The following COBL variants were observed in gnomAD, a reference collection of about 807,000 sequenced individuals.
COBL encodes protein cordon-bleu.
Under a neutral mutation model 98.8 loss-of-function variants are expected in COBL, and 51 were observed. The observed-to-expected ratio is 0.52, with a 90% CI of 0.41 to 0.65. The LOEUF (loss-of-function observed/expected upper bound fraction) is 0.65, where lower values mean the gene tolerates loss of function less well. COBL is among the 30% of genes least tolerant of loss of function. The pLI, the probability that COBL is intolerant of heterozygous loss-of-function variation, is 0.00. For missense variants in COBL, 1,617 were observed against 1,617.5 expected (o/e 1.00, Z 0.01); for synonymous variants, 634 against 651.7 (o/e 0.97, Z 0.41).
At chr7:51,021,913 T>C (rs903314885) in intron 12 of COBL, among the ~76,000 whole-genome samples, 1 of 152,194 alleles carries the variant, frequency 6.6e-6, no homozygotes, top group African/African-American at 2.4e-5. Context: ...GGTTAATGCC[T>C]TCAAAAGAAT....
chr7:51,255,343 T>TG (rs1797109607), intron 1 of COBL, among the ~76,000 whole-genome samples: 1 of 152,194 alleles, frequency 6.6e-6, no homozygotes, highest in Non-Finnish European at 1.5e-5. Flanking sequence ...ATTCATTCTC[T>TG]GGGAAACTCA....
chr7:51,136,881 G>A (rs1799286546), intron 5 of COBL, among the ~76,000 whole-genome samples: 2 of 152,168 alleles, frequency 1.3e-5, no homozygotes, highest in Middle Eastern at 3.2e-3. Context: ...AGGACCATCA[G>A]TACCGTACTT....
At chr7:51,115,565 G>A (rs1797202210) in intron 6 of COBL, among the ~76,000 whole-genome samples, 1 of 151,906 alleles carries the variant, frequency 6.6e-6, no homozygotes, top group East Asian at 1.9e-4. Context: ...AATATTTGAG[G>A]GTTGTCCTAG....
intron 6 of COBL, among the ~76,000 whole-genome samples, chr7:51,129,818 C>T (rs1798565583): frequency 1.3e-5 from 2 of 152,170 alleles, no homozygotes; most frequent in African/African-American, 2.4e-5. Context: ...GCACAGTCAA[C>T]TGTGACGTGA....
chr7:51,139,981 C>T (rs1799584089), intron 5 of COBL, among the ~76,000 whole-genome samples: 1 of 152,128 alleles, frequency 6.6e-6, no homozygotes, highest in African/African-American at 2.4e-5. Context: ...CCTGTCCAAG[C>T]TTGTCAATAT....
At chr7:51,306,127 T>A (rs772257863) in intron 1 of COBL, among the ~76,000 whole-genome samples, 174 of 152,216 alleles carry the variant, frequency 1.1e-3, no homozygotes, top group Non-Finnish European at 2.1e-3. Flanking sequence ...GTAATGCAGA[T>A]GAGTGGGGCC....
chr7:51,256,379 TC>T (rs1465944203), intron 1 of COBL, among the ~76,000 whole-genome samples: 1 of 152,144 alleles, frequency 6.6e-6, no homozygotes. Flanking sequence ...GAAAGCTGAC[TC>T]CCAGGGCCAC....
intron 4 of COBL, among the ~76,000 whole-genome samples, chr7:51,184,963 C>T (rs888642762): frequency 2.8e-4 from 42 of 152,336 alleles, no homozygotes; most frequent in African/African-American, 9.4e-4. Flanking sequence ...AACCACCTTT[C>T]CAGATTTTCC....
intron 2 of COBL, among the ~76,000 whole-genome samples, chr7:51,204,770 C>T (rs1174508176): frequency 1.3e-5 from 2 of 151,954 alleles, no homozygotes; most frequent in African/African-American, 2.4e-5. Context: ...AGGATGGTCT[C>T]GATCTCTTGA....
intron 1 of COBL, among the ~76,000 whole-genome samples, chr7:51,306,128 G>C (rs1019293197): frequency 2.6e-5 from 4 of 152,036 alleles, no homozygotes; most frequent in African/African-American, 9.7e-5. Context: ...TAATGCAGAT[G>C]AGTGGGGCCC....
chr7:51,157,613 C>A (rs1786308870), intron 5 of COBL, among the ~76,000 whole-genome samples: 1 of 152,156 alleles, frequency 6.6e-6, no homozygotes, highest in Non-Finnish European at 1.5e-5. Context: ...TCTCCCTTTT[C>A]TTTTCTCCTT....
At chr7:51,310,096 A>G (rs1442386578) in intron 1 of COBL, among the ~76,000 whole-genome samples, 1 of 152,234 alleles carries the variant, frequency 6.6e-6, no homozygotes, top group Non-Finnish European at 1.5e-5. Flanking sequence ...GTCCACTGGA[A>G]CTAGCCGCAC....
rs551768231 is a variant in COBL, at chr7:51,098,224, C to CTTTTTTTTTTTTTTTTTTTCTTTTT, written c.958-12921_958-12920insAAAAAGAAAAAAAAAAAAAAAAAAA. Among the ~76,000 whole-genome samples the CTTTTTTTTTTTTTTTTTTTCTTTTT allele has an allele frequency of 1.5e-3, 152 of 100,800 alleles. 5 individuals are homozygous for CTTTTTTTTTTTTTTTTTTTCTTTTT. Among genetic ancestry groups the CTTTTTTTTTTTTTTTTTTTCTTTTT allele is most frequent in the African/African-American group, 6.6e-3 (147 of 22,296 alleles). The allele number at this position is 100,800 out of a possible 152,430, so 66.1% of individuals were successfully genotyped here. A position where few individuals can be genotyped will look rare whatever the true frequency, so the allele number is the denominator to read the frequency against. On this transcript the variant is annotated intron_variant, in intron 6 of 12. Transcript: ENST00000265136. ...ACTACCAAAATCCCAATAGCAGTTT[C>CTTTTTTTTTTTTTTTTTTTCTTTTT]TTTTTTTTTTTTGGAGAAATAGGAA...
intron 5 of COBL, among the ~76,000 whole-genome samples, chr7:51,145,316 T>G (rs992954555): frequency 6.6e-6 from 1 of 151,676 alleles, no homozygotes; most frequent in Middle Eastern, 3.2e-3. Context: ...ATGCCCGGCC[T>G]GTTTTTAATT....
intron 5 of COBL, among the ~76,000 whole-genome samples, chr7:51,155,927 C>G (rs1174208768): frequency 6.6e-6 from 1 of 152,128 alleles, no homozygotes; most frequent in Non-Finnish European, 1.5e-5. Flanking sequence ...AATCTCCATG[C>G]AACCAAGCAA....
chr7:51,175,602 A>G (rs1353059954), intron 5 of COBL, among the ~76,000 whole-genome samples: 2 of 152,242 alleles, frequency 1.3e-5, no homozygotes, highest in East Asian at 3.8e-4. Context: ...CTTGCTCAGG[A>G]AAGAAACATT....
chr7:51,316,450 C>G (rs1035219484), intron 1 of COBL, 143 bp downstream of exon 1: 6 of 550,666 alleles, frequency 1.1e-5, no homozygotes, highest in Middle Eastern at 1.1e-3. Context: ...AACACCAGCA[C>G]CGCACCACCT....
intron 12 of COBL, among the ~76,000 whole-genome samples, chr7:51,022,213 G>A (rs999606): frequency 0.17 from 25,330 of 152,094 alleles, 2,346 homozygotes; most frequent in East Asian, 0.3. Context: ...TAAACGGCTC[G>A]GGGCATCAAA....
At chr7:51,054,781 C>A (rs560324925) in intron 7 of COBL, among the ~76,000 whole-genome samples, 1 of 152,204 alleles carries the variant, frequency 6.6e-6, no homozygotes, top group South Asian at 2.1e-4. Flanking sequence ...ATGATGTCCA[C>A]GACAGAAAAC....
Sources: gnomAD v4.1 joint callset for allele counts (sites outside exome capture counted in the v4.1 genomes callset) on GRCh38, gnomAD v4.1.1 for gene constraint, MANE v1.5 for transcripts, NCBI Gene and HGNC (gene_info 2026-07-23, HGNC 2026-07-21) for gene names.